Variants in ZNF362 observed in about 807,000 individuals in gnomAD.
ZNF362 encodes rotund homolog.
Under a neutral mutation model 42.9 loss-of-function variants are expected in ZNF362, and 11 were observed. The observed-to-expected ratio is 0.26, with a 90% CI of 0.16 to 0.42. ZNF362 has a LOEUF of 0.42. Ranked by LOEUF, ZNF362 falls within the 20% of genes least tolerant of loss-of-function variation. The pLI, the probability that ZNF362 is intolerant of heterozygous loss-of-function variation, is 1.00. For synonymous variants in ZNF362, 255 were observed against 257.3 expected (o/e 0.99, Z 0.09); for missense variants, 362 against 576.2 (o/e 0.63, Z 3.81).
chr1:33,136,137 T>C, the ZNF362 span, among the ~76,000 whole-genome samples: 2 of 144,960 alleles, frequency 1.4e-5, no homozygotes, highest in Non-Finnish European at 3.1e-5. Flanking sequence ...CTTCCTTCCT[T>C]CCTTCCTTCC....
chr1:33,298,510 A>T (rs1023638919), intron 8 of ZNF362, among the ~76,000 whole-genome samples: 6 of 152,144 alleles, frequency 3.9e-5, no homozygotes, highest in Non-Finnish European at 7.4e-5. Flanking sequence ...AGACAAGATG[A>T]CTTGTCCAAG....
the ZNF362 span, among the ~76,000 whole-genome samples, chr1:33,160,528 C>T: frequency 6.6e-6 from 1 of 152,070 alleles, no homozygotes; most frequent in South Asian, 2.1e-4. Context: ...CCTCAGCCTC[C>T]CTAGTAGCTG....
At chr1:33,167,286 A>C in the ZNF362 span, among the ~76,000 whole-genome samples, 1 of 152,072 alleles carries the variant, frequency 6.6e-6, no homozygotes, top group Non-Finnish European at 1.5e-5. The surrounding 1 kb of genome is among the most constrained non-coding windows in gnomAD (Gnocchi z 4.2). Flanking sequence ...CTGTGTGTTT[A>C]TTGCTTATCT....
At chr1:33,163,886 G>A in the ZNF362 span, 1 of 153,034 alleles carries the variant, frequency 6.5e-6, no homozygotes, top group Non-Finnish European at 1.5e-5. Context: ...AACTCGAGGG[G>A]GATGTGGCCC....
the ZNF362 span, among the ~76,000 whole-genome samples, chr1:33,243,108 A>ATGTTATGTTATG: frequency 1.2e-4 from 17 of 144,550 alleles, no homozygotes; most frequent in African/African-American, 4.0e-4. Flanking sequence ...CACAACTGTT[A>ATGTTATGTTATG]TTATGTTATG....
intron 6 of ZNF362, among the ~76,000 whole-genome samples, chr1:33,290,130 A>G (rs1477978028): frequency 6.6e-6 from 1 of 151,816 alleles, no homozygotes; most frequent in Non-Finnish European, 1.5e-5. Context: ...GTTCTAGGGG[A>G]CATGTGCAGA....
the ZNF362 span, among the ~76,000 whole-genome samples, chr1:33,219,078 C>T: frequency 6.6e-6 from 1 of 152,062 alleles, no homozygotes; most frequent in African/African-American, 2.4e-5. Flanking sequence ...AAATTATTTC[C>T]CCTTAGTCTC....
rs1306117088 is a variant in ZNF362, at chr1:33,299,807, A to G, written c.*761A>G. ...GCTGCCCTGAAGACCACCCCAGTCT[A>G]CCTCGGTGCTGGCCAGGAAACCTTT... is the stretch of plus-strand genomic sequence containing the variant. On this transcript the variant is annotated 3_prime_UTR_variant, in exon 9 of 9. Coordinates refer to ENST00000539719, the MANE Select transcript of ZNF362 (RefSeq NM_152493.3). 6.5e-6 allele frequency: 1 copy of G among 152,744 alleles called. No homozygotes were observed. Among genetic ancestry groups the G allele is most frequent in the African/African-American group, 2.4e-5 (1 of 41,414 alleles). 9.5% of individuals were successfully genotyped at this position (152,744 alleles called of 1,614,324 possible).
the ZNF362 span, among the ~76,000 whole-genome samples, chr1:33,167,911 G>C: frequency 3.3e-3 from 504 of 152,314 alleles, 6 homozygotes; most frequent in African/African-American, 0.012. The surrounding 1 kb of genome is among the most constrained non-coding windows in gnomAD (Gnocchi z 4.2). Flanking sequence ...TATGTACCAG[G>C]CACTGTTGAG....
chr1:33,180,036 T>G, the ZNF362 span, among the ~76,000 whole-genome samples: 1 of 132,476 alleles, frequency 7.5e-6, no homozygotes, highest in African/African-American at 3.0e-5. Context: ...GGAGAAGGCT[T>G]CACGGAGAGG....
chr1:33,235,214 C>T, the ZNF362 span, among the ~76,000 whole-genome samples: 1 of 151,986 alleles, frequency 6.6e-6, no homozygotes, highest in Non-Finnish European at 1.5e-5. Flanking sequence ...CCTCTGAGGC[C>T]CTGCAATACC....
chr1:33,291,164 C>CCTAGGTTTT (rs1477883613), intron 6 of ZNF362, among the ~76,000 whole-genome samples: 1 of 152,078 alleles, frequency 6.6e-6, no homozygotes, highest in Non-Finnish European at 1.5e-5. Flanking sequence ...AATGGTAATG[C>CCTAGGTTTT]CTAGGTTTTC....
the ZNF362 span, among the ~76,000 whole-genome samples, chr1:33,229,691 C>T: frequency 2.5e-3 from 380 of 152,160 alleles, 2 homozygotes; most frequent in African/African-American, 8.6e-3. Context: ...AGGCGTGAAC[C>T]ACCACTCCCG....
chr1:33,147,582 C>T, the ZNF362 span: 1 of 1,613,960 alleles, frequency 6.2e-7, no homozygotes, highest in Non-Finnish European at 8.5e-7. This position sits in a 1 kb window ranked among gnomAD's most constrained non-coding sequence, Gnocchi z 8.1. Context: ...CTTCAGAACC[C>T]AGCACCGACA....
chr1:33,196,492 A>G, the ZNF362 span, among the ~76,000 whole-genome samples: 1 of 152,146 alleles, frequency 6.6e-6, no homozygotes, highest in African/African-American at 2.4e-5. Flanking sequence ...CCAAGTCCAC[A>G]TCTCGCCCCA....
the ZNF362 span, among the ~76,000 whole-genome samples, chr1:33,210,531 A>G: frequency 1.6e-4 from 24 of 152,246 alleles, no homozygotes; most frequent in South Asian, 8.3e-4. Context: ...GGGGTATTAA[A>G]GTCTCCCATT....
intron 1 of ZNF362, among the ~76,000 whole-genome samples, chr1:33,261,986 T>G (rs1645830748): frequency 6.6e-6 from 1 of 152,200 alleles, no homozygotes; most frequent in Non-Finnish European, 1.5e-5. Flanking sequence ...ATGCACAGGG[T>G]GTGCCTGGCA....
intron 1 of ZNF362, among the ~76,000 whole-genome samples, chr1:33,264,814 AAAG>A (rs1279954357): frequency 6.6e-6 from 1 of 152,078 alleles, no homozygotes; most frequent in African/African-American, 2.4e-5. Context: ...GACCCCAAAC[AAAG>A]AAGTGATGAC....
At chr1:33,172,727 G>A in the ZNF362 span, among the ~76,000 whole-genome samples, 2 of 152,170 alleles carry the variant, frequency 1.3e-5, no homozygotes, top group African/African-American at 4.8e-5. Context: ...GGGGCACAGA[G>A]AGGCAGGGCT....
Sources: gnomAD v4.1 joint callset for allele counts (sites outside exome capture counted in the v4.1 genomes callset) on GRCh38, gnomAD v4.1.1 for gene constraint, Gnocchi (gnomAD v3.1) non-coding constraint, MANE v1.5 for transcripts, NCBI Gene and HGNC (gene_info 2026-07-23, HGNC 2026-07-21) for gene names.